Variants in DLGAP1 observed in about 807,000 individuals in gnomAD.
DLGAP1 encodes the protein DLG associated protein 1.
A neutral mutation model predicts 90.8 loss-of-function variants in DLGAP1; 11 were observed. That is an observed-to-expected ratio of 0.12 (90% CI 0.08 to 0.20). The LOEUF is 0.20. Ranked by LOEUF, DLGAP1 falls within the 10% of genes least tolerant of loss-of-function variation. The pLI, the probability that DLGAP1 is intolerant of heterozygous loss-of-function variation, is 1.00. For synonymous variants in DLGAP1, 558 were observed against 540.7 expected, an observed-to-expected ratio of 1.03 and a Z score of -0.44; for missense variants, 1,050 against 1,333.8, an observed-to-expected ratio of 0.79 and a Z score of 3.31.
At chr18:4,364,254 T>G (rs2081703339) in intron 1 of DLGAP1, among the ~76,000 whole-genome samples, 1 of 84,036 alleles carries the variant, frequency 1.2e-5, no homozygotes, top group Non-Finnish European at 2.2e-5. Context: ...TGGGGACTGT[T>G]GTGGGGTGGG....
At chr18:3,675,390 A>G (rs148209932) in intron 7 of DLGAP1, among the ~76,000 whole-genome samples, 2 of 152,292 alleles carry the variant, frequency 1.3e-5, no homozygotes, top group East Asian at 1.9e-4. Flanking sequence ...TAGCTGTTCT[A>G]TATGCATTGT....
At chr18:4,275,017 T>C (rs1016950708) in intron 1 of DLGAP1, among the ~76,000 whole-genome samples, 1 of 152,198 alleles carries the variant, frequency 6.6e-6, no homozygotes, top group Non-Finnish European at 1.5e-5. Flanking sequence ...GACTTCTAAT[T>C]TGGGAAATTG....
At chr18:3,530,108 G>A (rs1237381606) in intron 10 of DLGAP1, among the ~76,000 whole-genome samples, 1 of 152,174 alleles carries the variant, frequency 6.6e-6, no homozygotes, top group African/African-American at 2.4e-5. Context: ...CAAGAGTCCT[G>A]TTGAAAGCCA....
chr18:3,873,578 G>A (rs1044458780), intron 4 of DLGAP1, among the ~76,000 whole-genome samples: 2 of 152,048 alleles, frequency 1.3e-5, no homozygotes, highest in African/African-American at 4.8e-5. Flanking sequence ...ACTTAAAATT[G>A]TTCTAACACA....
chr18:4,280,565 C>A (rs2145426063), intron 1 of DLGAP1, among the ~76,000 whole-genome samples: 1 of 152,280 alleles, frequency 6.6e-6, no homozygotes, highest in East Asian at 1.9e-4. Flanking sequence ...CCCACAGTTC[C>A]ACACTGTCCC....
intron 10 of DLGAP1, among the ~76,000 whole-genome samples, chr18:3,525,647 C>T (rs2051568126): frequency 6.6e-6 from 1 of 152,214 alleles, no homozygotes; most frequent in Admixed American, 6.5e-5. Flanking sequence ...GATCTGCCTG[C>T]CTCGGCCTCC....
intron 7 of DLGAP1, among the ~76,000 whole-genome samples, chr18:3,639,980 T>A (rs937159097): frequency 6.6e-6 from 1 of 151,574 alleles, no homozygotes; most frequent in Non-Finnish European, 1.5e-5. Context: ...GGTCTCGATC[T>A]CCTGACCTCG....
intron 1 of DLGAP1, among the ~76,000 whole-genome samples, chr18:4,402,539 C>T (rs12968150): frequency 0.1 from 15,693 of 152,138 alleles, 918 homozygotes; most frequent in African/African-American, 0.13. Context: ...CAGATGAGAA[C>T]GATTCAGACA....
chr18:3,559,191 AT>A (rs1346866425), intron 9 of DLGAP1, among the ~76,000 whole-genome samples: 1 of 152,232 alleles, frequency 6.6e-6, no homozygotes, highest in Non-Finnish European at 1.5e-5. Context: ...GAAATAGATG[AT>A]TCTGATGATT....
At chr18:4,259,596 C>T (rs62086526) in intron 1 of DLGAP1, among the ~76,000 whole-genome samples, 3,141 of 152,258 alleles carry the variant, frequency 0.021, 37 homozygotes, top group East Asian at 0.042. Context: ...GCAATGTGAT[C>T]TCTAGAGATA....
chr18:4,435,938 G>A (rs116865346), intron 1 of DLGAP1, among the ~76,000 whole-genome samples: 2,956 of 152,220 alleles, frequency 0.019, 34 homozygotes, highest in Non-Finnish European at 0.028. Flanking sequence ...AAGCAGATGC[G>A]CACACAGGTG....
chr18:4,215,412 A>G (rs566792105), intron 1 of DLGAP1, among the ~76,000 whole-genome samples: 6 of 152,298 alleles, frequency 3.9e-5, no homozygotes, highest in African/African-American at 1.4e-4. Context: ...TGAAGATATT[A>G]ACAAATAACT....
chr18:4,372,086 T>C (rs1389959111), intron 1 of DLGAP1, among the ~76,000 whole-genome samples: 1 of 151,972 alleles, frequency 6.6e-6, no homozygotes, highest in Non-Finnish European at 1.5e-5. Flanking sequence ...GTAATTTCAA[T>C]GTACTTAACA....
chr18:4,427,475 C>G (rs773207254), intron 1 of DLGAP1, among the ~76,000 whole-genome samples: 1 of 152,122 alleles, frequency 6.6e-6, no homozygotes, highest in African/African-American at 2.4e-5. Flanking sequence ...CCTAATGCAA[C>G]GAAGGAACCT....
intron 1 of DLGAP1, among the ~76,000 whole-genome samples, chr18:4,208,813 GGAGA>G (rs373346106): frequency 6.6e-6 from 1 of 151,624 alleles, no homozygotes; most frequent in Non-Finnish European, 1.5e-5. Flanking sequence ...TTGGGGGGGT[GGAGA>G]GAGAGAGAAT....
intron 7 of DLGAP1, among the ~76,000 whole-genome samples, chr18:3,632,616 C>A (rs565630082): frequency 6.6e-6 from 1 of 152,218 alleles, no homozygotes; most frequent in South Asian, 2.1e-4. Context: ...TTCTTATAAT[C>A]CAACGTCTTA....
intron 7 of DLGAP1, among the ~76,000 whole-genome samples, chr18:3,667,975 T>A (rs1423475982): frequency 6.6e-6 from 1 of 152,156 alleles, no homozygotes; most frequent in Non-Finnish European, 1.5e-5. Flanking sequence ...TCCCACAGAT[T>A]TTTCTGCAAC....
intron 1 of DLGAP1, among the ~76,000 whole-genome samples, chr18:4,385,849 C>T (rs1327716481): frequency 6.6e-6 from 1 of 152,026 alleles, no homozygotes; most frequent in Non-Finnish European, 1.5e-5. Context: ...AGTAAACATG[C>T]CTGTAAATTG....
intron 3 of DLGAP1, among the ~76,000 whole-genome samples, chr18:3,967,584 G>T (rs927364532): frequency 2.6e-5 from 4 of 152,176 alleles, no homozygotes; most frequent in Non-Finnish European, 1.5e-5. Context: ...AAGGAGGAGA[G>T]CAGGCTGTCC....
Sources: allele counts gnomAD v4.1 joint callset (sites outside exome capture counted in the v4.1 genomes callset), GRCh38; gene constraint gnomAD v4.1.1; transcripts MANE v1.5; gene names NCBI Gene and HGNC (gene_info 2026-07-23, HGNC 2026-07-21).